USH2A: variants seen among roughly 807,000 people sequenced by gnomAD.
USH2A encodes usherin.
Under a neutral mutation model 538.9 loss-of-function variants are expected in USH2A, and 443 were observed. The ratio of observed to expected loss-of-function variants is 0.82; its 90% CI spans 0.76 to 0.89. The LOEUF (loss-of-function observed/expected upper bound fraction) is 0.89, where lower values mean the gene tolerates loss of function less well. Among genes scored for constraint, USH2A ranks in the 40% least tolerant of loss-of-function variants. The pLI is 0.00. For synonymous variants in USH2A, 2,413 were observed against 2,273.5 expected (o/e 1.06, Z -1.75); for missense variants, 6,633 against 6,324.8 (o/e 1.05, Z -1.65).
intron 9 of USH2A, among the ~76,000 whole-genome samples, chr1:216,310,186 A>G (rs991661137): frequency 1.4e-4 from 21 of 152,048 alleles, no homozygotes; most frequent in African/African-American, 5.1e-4. Flanking sequence ...CTTTTTATTC[A>G]TTGCCCTTGT....
chr1:216,239,056 G>A (rs1004310347), intron 13 of USH2A, among the ~76,000 whole-genome samples: 2 of 151,434 alleles, frequency 1.3e-5, no homozygotes, highest in African/African-American at 4.9e-5. Context: ...TCAGGATAAG[G>A]GTTTCTCTTT....
intron 20 of USH2A, among the ~76,000 whole-genome samples, chr1:216,178,053 A>C (rs1314521280): frequency 6.6e-6 from 1 of 152,176 alleles, no homozygotes; most frequent in African/African-American, 2.4e-5. Context: ...TAAACCATGA[A>C]AGGAAATTCA....
intron 38 of USH2A, among the ~76,000 whole-genome samples, chr1:215,913,699 T>C (rs191847513): frequency 2.6e-4 from 40 of 152,196 alleles, no homozygotes; most frequent in South Asian, 1.9e-3. Flanking sequence ...TGAAAAGGAA[T>C]GAATGGATTT....
rs2034347856 is a variant in USH2A at position 216,175,082 on chromosome 1, A to G, written c.4627+170T>C. 2.1e-6 allele frequency: 3 copies of G among 1,446,342 alleles called. No individual in the cohort carries two copies. In the South Asian group the frequency reaches 4.4e-5, roughly 21 times the overall value. The allele number at this position is 1,446,342 out of a possible 1,614,324, so 89.6% of individuals were successfully genotyped here. A position where few individuals can be genotyped will look rare whatever the true frequency, so the allele number is the denominator to read the frequency against. On this transcript the variant is annotated intron_variant, in intron 21 of 71. Transcript: ENST00000307340. Reference sequence around the variant, plus strand: ...TCACTTACCTGACTTTTTTCCCCAGAATTCTAAAAAGATGGACATGCTGAA... The same window carrying G: ...TCACTTACCTGACTTTTTTCCCCAGGATTCTAAAAAGATGGACATGCTGAA...
intron 68 of USH2A, among the ~76,000 whole-genome samples, 189 bp downstream of exon 68, chr1:215,640,369 T>C (rs1028057243): frequency 7.2e-5 from 11 of 152,164 alleles, no homozygotes; most frequent in African/African-American, 2.7e-4. Flanking sequence ...ACTGCAGTGC[T>C]GTCAAGCTGC....
intron 47 of USH2A, among the ~76,000 whole-genome samples, chr1:215,832,550 T>C (rs1663351423): frequency 6.6e-6 from 1 of 151,952 alleles, no homozygotes; most frequent in Non-Finnish European, 1.5e-5. Flanking sequence ...CAAATTTCCA[T>C]GTCCATTTAT....
At chr1:215,969,978 T>G (rs1487352423) in intron 36 of USH2A, among the ~76,000 whole-genome samples, 2 of 152,188 alleles carry the variant, frequency 1.3e-5, no homozygotes, top group Non-Finnish European at 2.9e-5. Context: ...TAGTTTATGA[T>G]AATTAAGTGC....
At chr1:216,039,768 A>G (rs2030182317) in intron 32 of USH2A, among the ~76,000 whole-genome samples, 2 of 151,856 alleles carry the variant, frequency 1.3e-5, no homozygotes, top group South Asian at 4.1e-4. Context: ...ATGTGTTTTT[A>G]TTGTGCCATA....
intron 48 of USH2A, among the ~76,000 whole-genome samples, chr1:215,815,022 C>A (rs761817127): frequency 6.6e-6 from 1 of 152,052 alleles, no homozygotes; most frequent in African/African-American, 2.4e-5. Flanking sequence ...AGCCAAAAAG[C>A]TTTTAAACCC....
intron 47 of USH2A, among the ~76,000 whole-genome samples, chr1:215,824,652 T>A (rs555778439): frequency 6.6e-6 from 1 of 152,244 alleles, no homozygotes; most frequent in East Asian, 1.9e-4. Context: ...TAGTCCCATC[T>A]CCCCACATTG....
At chr1:215,830,689 T>C (rs2102809017) in intron 47 of USH2A, among the ~76,000 whole-genome samples, 1 of 152,298 alleles carries the variant, frequency 6.6e-6, no homozygotes, top group South Asian at 2.1e-4. Context: ...AAGCTGCACA[T>C]TTATGGTTGC....
rs369055235 is a variant in USH2A at position 215,987,269 on chromosome 1, C to T, written c.6805+5751G>A. 2.2e-4 allele frequency among the ~76,000 whole-genome samples: 33 copies of T among 151,202 alleles called. 1 individual carries two copies. Among genetic ancestry groups the T allele is most frequent in the South Asian group, 1.5e-3 (7 of 4,748 alleles). Reference sequence around the variant, plus strand: ...GCTCTCAAAAGCAGAACTTTAATTACGCAATTGCAATCTACACAATACAGG... The same window carrying T: ...GCTCTCAAAAGCAGAACTTTAATTATGCAATTGCAATCTACACAATACAGG... On this transcript the variant is annotated intron_variant, in intron 35 of 71. Transcript: ENST00000307340.
At chr1:216,037,293 G>A (rs2030031723) in intron 32 of USH2A, among the ~76,000 whole-genome samples, 1 of 152,106 alleles carries the variant, frequency 6.6e-6, no homozygotes, top group Admixed American at 6.6e-5. Flanking sequence ...AAGCTGTCCT[G>A]GGCATTTTAA....
rs1327151616 is a variant in USH2A, at chr1:216,045,778, A to T, written c.6325+653T>A. On this transcript the variant is annotated intron_variant, in intron 32 of 71. Coordinates refer to ENST00000307340, the MANE Select transcript of USH2A (RefSeq NM_206933.4). ...GCATCTGAGCAAAGGTAATTGCTAGAAGGATTTAGGTAAGGGGTGGTGGGC... is the reference window on the plus strand; with the variant it reads ...GCATCTGAGCAAAGGTAATTGCTAGTAGGATTTAGGTAAGGGGTGGTGGGC... Among the ~76,000 whole-genome samples the T allele has an allele frequency of 2.6e-5, 4 of 152,068 alleles. No individual in the cohort carries two copies. The East Asian group carries it at 7.7e-4, about 29-fold the overall frequency.
intron 39 of USH2A, 41 bp downstream of exon 39, chr1:215,900,714 G>GTA: frequency 6.2e-7 from 1 of 1,612,782 alleles, no homozygotes; most frequent in Non-Finnish European, 8.5e-7. Context: ...TGTCTATATT[G>GTA]TATAACCCAG....
chr1:216,093,583 A>G (rs373304193), intron 22 of USH2A, among the ~76,000 whole-genome samples: 1 of 152,154 alleles, frequency 6.6e-6, no homozygotes, highest in Non-Finnish European at 1.5e-5. Flanking sequence ...TTACCCTCCT[A>G]TCCTACAGAG....
At chr1:216,081,550 C>T (rs1038154594) in intron 26 of USH2A, among the ~76,000 whole-genome samples, 7 of 152,018 alleles carry the variant, frequency 4.6e-5, no homozygotes, top group African/African-American at 1.4e-4. Context: ...GAAAGCCAAG[C>T]ACATAATAGG....
At chr1:216,176,056 C>T (rs1486561871) in intron 20 of USH2A, among the ~76,000 whole-genome samples, 1 of 152,172 alleles carries the variant, frequency 6.6e-6, no homozygotes, top group Non-Finnish European at 1.5e-5. Context: ...AAGCATAATC[C>T]GTGCCAACCA....
Position 215,844,626 on chromosome 1 carries a change from TCA to T in USH2A, c.9056-132_9056-131del, listed in dbSNP as rs1231735560. 4 of 936,630 alleles carry T rather than the reference TCA, an allele frequency of 4.3e-6. No homozygotes were observed. The African/African-American group carries it at 6.5e-5, about 15-fold the overall frequency. The allele number at this position is 936,630 out of a possible 1,614,324, so 58.0% of individuals were successfully genotyped here. On this transcript the variant is annotated intron_variant, in intron 45 of 71. Coordinates refer to ENST00000307340, the MANE Select transcript of USH2A (RefSeq NM_206933.4). ...TATCTGCTTTTCGCTGATGAAGTTATCACAGTCTGTAGTCCTCTGTAAATTGG... is the reference window on the plus strand; with the variant it reads ...TATCTGCTTTTCGCTGATGAAGTTATCAGTCTGTAGTCCTCTGTAAATTGG...
Sources: gnomAD v4.1 joint callset for allele counts (sites outside exome capture counted in the v4.1 genomes callset) on GRCh38, gnomAD v4.1.1 for gene constraint, MANE v1.5 for transcripts, NCBI Gene and HGNC (gene_info 2026-07-23, HGNC 2026-07-21) for gene names.